CLIC5: variants seen among roughly 807,000 people sequenced by gnomAD.
The protein encoded by CLIC5 is CLIC family member 5, also known as chloride intracellular channel protein 5.
Under a neutral mutation model 24.7 loss-of-function variants are expected in CLIC5, and 20 were observed. That is an observed-to-expected ratio of 0.81 (90% CI 0.57 to 1.18). The LOEUF is 1.18. CLIC5 is among the 50% of genes most tolerant of loss of function. CLIC5 has a pLI of 0.00. For missense variants in CLIC5, 341 were observed against 326.1 expected (o/e 1.05, Z -0.35); for synonymous variants, 159 against 135.6 (o/e 1.17, Z -1.20).
chr6:45,910,417 G>C (rs1313044764), intron 5 of CLIC5, among the ~76,000 whole-genome samples: 1 of 152,142 alleles, frequency 6.6e-6, no homozygotes, highest in Non-Finnish European at 1.5e-5. Context: ...AATCTTATCT[G>C]TACATCAGAC....
intron 1 of CLIC5, among the ~76,000 whole-genome samples, chr6:46,066,640 T>C (rs1048584091): frequency 6.6e-6 from 1 of 152,138 alleles, no homozygotes; most frequent in Non-Finnish European, 1.5e-5. Context: ...TTGAATAAGA[T>C]GTAGCTGGAA....
chr6:45,995,229 T>C (rs1336041791), intron 1 of CLIC5, among the ~76,000 whole-genome samples: 1 of 152,222 alleles, frequency 6.6e-6, no homozygotes, highest in African/African-American at 2.4e-5. Flanking sequence ...TATACAATCC[T>C]AATAATAGTA....
At chr6:46,023,150 T>C (rs1386973639) in intron 1 of CLIC5, among the ~76,000 whole-genome samples, 3 of 152,304 alleles carry the variant, frequency 2.0e-5, no homozygotes, top group East Asian at 1.9e-4. Context: ...ACCAGTGAAA[T>C]GGACATTACA....
intron 1 of CLIC5, among the ~76,000 whole-genome samples, chr6:45,956,197 G>C (rs1386605783): frequency 2.0e-5 from 3 of 152,172 alleles, no homozygotes; most frequent in African/African-American, 7.2e-5. Context: ...TTAATTTCAA[G>C]CAAACCTATG....
At position 45,926,373 on chromosome 6, in the gene CLIC5, G is replaced by A. The variant is rs535791670; in HGVS notation, c.407-11964C>T. Among the ~76,000 whole-genome samples, 95 of 150,790 alleles carry A rather than the reference G, an allele frequency of 6.3e-4. 1 individual carries two copies. The East Asian group carries it at 6.4e-3, about 10-fold the overall frequency. On this transcript the variant is annotated intron_variant, in intron 4 of 5. Transcript: ENST00000339561. ...TGGCATTCTCCTGCCTCAGCCTCCCGAGTAGCTGGGACTACAGGCACCCGC... is the reference window on the plus strand; with the variant it reads ...TGGCATTCTCCTGCCTCAGCCTCCCAAGTAGCTGGGACTACAGGCACCCGC...
chr6:46,119,491 C>T, the CLIC5 span, among the ~76,000 whole-genome samples: 1 of 152,238 alleles, frequency 6.6e-6, no homozygotes, highest in East Asian at 1.9e-4. Context: ...CTCCAGTCTA[C>T]AGCTCCCAGC....
At chr6:46,003,712 G>A (rs149578277) in intron 1 of CLIC5, among the ~76,000 whole-genome samples, 105 of 152,228 alleles carry the variant, frequency 6.9e-4, no homozygotes, top group African/African-American at 2.5e-3. Context: ...AACCAGACTG[G>A]GCACAAGAAT....
chr6:46,108,737 T>A, the CLIC5 span, among the ~76,000 whole-genome samples: 1 of 152,170 alleles, frequency 6.6e-6, no homozygotes, highest in Non-Finnish European at 1.5e-5. Context: ...GAGTCTCCTG[T>A]CACTCTATAT....
At chr6:45,941,233 G>A (rs1252577779) in intron 4 of CLIC5, among the ~76,000 whole-genome samples, 2 of 152,200 alleles carry the variant, frequency 1.3e-5, no homozygotes, top group African/African-American at 2.4e-5. Flanking sequence ...TGGGCAGTGA[G>A]GACCGTTCCG....
chr6:45,880,987 C>A (rs372630562), downstream of CLIC5: 15 of 394,998 alleles, frequency 3.8e-5, no homozygotes, highest in East Asian at 5.4e-4. Context: ...GGGACGGGTG[C>A]AGGGAGAAAT....
At chr6:46,071,821 G>T (rs2094240986) in intron 1 of CLIC5, among the ~76,000 whole-genome samples, 1 of 152,128 alleles carries the variant, frequency 6.6e-6, no homozygotes, top group South Asian at 2.1e-4. Flanking sequence ...CAATAGCAAA[G>T]ACATGGAATC....
chr6:46,101,429 G>A, the CLIC5 span, among the ~76,000 whole-genome samples: 1 of 152,206 alleles, frequency 6.6e-6, no homozygotes, highest in Non-Finnish European at 1.5e-5. Flanking sequence ...AGAATTGGGC[G>A]ACATCTCATT....
the CLIC5 span, among the ~76,000 whole-genome samples, chr6:46,089,519 C>T: frequency 6.6e-6 from 1 of 152,164 alleles, no homozygotes; most frequent in Non-Finnish European, 1.5e-5. Flanking sequence ...ATTCATTCCA[C>T]TTTCCCTGCC....
chr6:46,062,048 G>A (rs941821848), intron 1 of CLIC5, among the ~76,000 whole-genome samples: 4 of 152,214 alleles, frequency 2.6e-5, no homozygotes, highest in Non-Finnish European at 4.4e-5. Flanking sequence ...TAGCTGTAGA[G>A]CACTTGAGAT....
chr6:46,009,261 TC>T (rs1209111268), intron 1 of CLIC5, among the ~76,000 whole-genome samples: 1 of 152,032 alleles, frequency 6.6e-6, no homozygotes, highest in African/African-American at 2.4e-5. Flanking sequence ...AGGGAAGAAT[TC>T]GTTTCAGTTC....
intron 3 of CLIC5, among the ~76,000 whole-genome samples, chr6:45,948,524 A>G (rs1485003872): frequency 1.3e-5 from 2 of 152,218 alleles, no homozygotes; most frequent in East Asian, 3.8e-4. Context: ...GATAAAGTTC[A>G]TGCCTCACTC....
At chr6:46,076,308 G>T (rs2127477365) in intron 1 of CLIC5, among the ~76,000 whole-genome samples, 1 of 152,304 alleles carries the variant, frequency 6.6e-6, no homozygotes, top group South Asian at 2.1e-4. Context: ...GCCAAATATG[G>T]CCATGTCCGA....
chr6:45,979,496 A>G (rs867553987), intron 1 of CLIC5, among the ~76,000 whole-genome samples: 1 of 152,230 alleles, frequency 6.6e-6, no homozygotes, highest in Non-Finnish European at 1.5e-5. Context: ...CACTAAGGCT[A>G]TGTGGGCTCC....
intron 5 of CLIC5, among the ~76,000 whole-genome samples, chr6:45,904,647 C>CCTCCTT (rs370715453): frequency 1.0e-3 from 9 of 8,928 alleles, no homozygotes; most frequent in Non-Finnish European, 1.5e-3. Flanking sequence ...CTTTTCTGTC[C>CCTCCTT]CTTTCCTTCC....
Sources: gnomAD v4.1 joint callset for allele counts (sites outside exome capture counted in the v4.1 genomes callset) on GRCh38, gnomAD v4.1.1 for gene constraint, MANE v1.5 for transcripts, NCBI Gene and HGNC (gene_info 2026-07-23, HGNC 2026-07-21) for gene names.